MYH13: variants seen among roughly 807,000 people sequenced by gnomAD.
MYH13 encodes myosin heavy chain 13.
MYH13 carries 177 observed loss-of-function variants against 232.1 expected under a neutral mutation model. The observed-to-expected ratio is 0.76, with a 90% confidence interval of 0.67 to 0.86. MYH13 has a LOEUF of 0.86. Among genes scored for constraint, MYH13 ranks in the 40% least tolerant of loss-of-function variants. The pLI is 0.00. For synonymous variants in MYH13, 884 were observed against 923.5 expected (o/e 0.96, Z 0.78); for missense variants, 2,246 against 2,405.9 (o/e 0.93, Z 1.39).
intron 20 of MYH13, among the ~76,000 whole-genome samples, chr17:10,331,121 G>A (rs1035354735): frequency 1.3e-5 from 2 of 152,108 alleles, no homozygotes; most frequent in African/African-American, 4.8e-5. Flanking sequence ...TCACATACAG[G>A]AAACAAAGAT....
At chr17:10,350,879 G>A in intron 11 of MYH13, 185 bp from the exon 12 acceptor site, 1 of 739,618 alleles carries the variant, frequency 1.4e-6, no homozygotes. Context: ...GTGGGTGGGT[G>A]AAGACTATGG....
chr17:10,372,020 A>G (rs529328008), intron 1 of MYH13, among the ~76,000 whole-genome samples: 1 of 152,296 alleles, frequency 6.6e-6, no homozygotes, highest in African/African-American at 2.4e-5. Flanking sequence ...TTATGGAGCC[A>G]GGGGAATATT....
intron 5 of MYH13, 73 bp from the exon 6 acceptor site, chr17:10,360,261 G>T (rs573524682): frequency 1.3e-6 from 2 of 1,521,512 alleles, no homozygotes; most frequent in Non-Finnish European, 1.8e-6. Flanking sequence ...TAACATTGGG[G>T]GTGGTTGGAG....
intron 22 of MYH13, 146 bp downstream of exon 22, chr17:10,327,720 G>A (rs1907261375): frequency 1.0e-6 from 1 of 982,950 alleles, no homozygotes; most frequent in South Asian, 1.9e-5. Flanking sequence ...ATCCTTTTAC[G>A]AGCAAGGTGG....
intron 29 of MYH13, among the ~76,000 whole-genome samples, chr17:10,315,000 G>T (rs1597886565): frequency 6.6e-6 from 1 of 152,184 alleles, no homozygotes; most frequent in African/African-American, 2.4e-5. Context: ...TTAAAATCAG[G>T]TGGTATAGGA....
rs767529583 is a variant in MYH13, at chr17:10,320,208, A to G, written c.3293T>C (p.Ile1098Thr). ...EFELSQLQAK[I>T]DDEQVHSLQF... Reference sequence around the variant, plus strand: ...CAAACTGTGGACTTGTTCGTCATCTATTTTGGCTTGTAACTGACTGAGTTC... The same window carrying G: ...CAAACTGTGGACTTGTTCGTCATCTGTTTTGGCTTGTAACTGACTGAGTTC... Residue 1098 changes from isoleucine (I) to threonine (T), a missense_variant, in exon 26 of 41, where the codon ATA (isoleucine) becomes ACA (threonine). Coordinates refer to ENST00000252172, the MANE Select transcript of MYH13 (RefSeq NM_003802.3). 280 of 1,605,462 alleles carry G rather than the reference A, an allele frequency of 1.7e-4. No individual in the cohort carries two copies. Among genetic ancestry groups the G allele is most frequent in the Non-Finnish European group, 2.3e-4 (271 of 1,175,636 alleles).
Position 10,356,796 on chromosome 17 carries a change from T to C in MYH13, c.738+939A>G, listed in dbSNP as rs2071752621. 5.3e-5 allele frequency among the ~76,000 whole-genome samples: 8 copies of C among 152,298 alleles called. No homozygotes were observed. In the South Asian group the frequency reaches 1.7e-3, roughly 32 times the overall value. On this transcript the variant is annotated intron_variant, in intron 8 of 40. Transcript: ENST00000252172. Reference sequence around the variant, plus strand: ...TGCAACCATAGGCACAAATGATGGCTTTGCCTCTGAGTACTTGCTCCACTG... The same window carrying C: ...TGCAACCATAGGCACAAATGATGGCCTTGCCTCTGAGTACTTGCTCCACTG...
chr17:10,316,640 T>A (rs1332245455), intron 27 of MYH13, among the ~76,000 whole-genome samples: 2 of 152,152 alleles, frequency 1.3e-5, no homozygotes, highest in African/African-American at 4.8e-5. Context: ...TTGCAAGCAA[T>A]ACAAGCCTGT....
chr17:10,337,615 C>A (rs12943737), intron 18 of MYH13, among the ~76,000 whole-genome samples: 1 of 152,118 alleles, frequency 6.6e-6, no homozygotes, highest in Non-Finnish European at 1.5e-5. Flanking sequence ...GGCACACTAG[C>A]TGCTTTCTAA....
At chr17:10,316,276 C>A (rs1238927601) in intron 27 of MYH13, among the ~76,000 whole-genome samples, 2 of 152,184 alleles carry the variant, frequency 1.3e-5, no homozygotes. Flanking sequence ...GCCTGACCAA[C>A]ATGGTGAAAC....
At chr17:10,341,354 G>A (rs1445477858) in intron 16 of MYH13, 1 of 152,142 alleles carries the variant, frequency 6.6e-6, no homozygotes, top group Non-Finnish European at 1.5e-5. Context: ...GCCTGGCAAT[G>A]TTTGTAGTTT....
chr17:10,362,328 C>T (rs771061120), intron 4 of MYH13, 32 bp downstream of exon 4: 1 of 1,613,968 alleles, frequency 6.2e-7, no homozygotes, highest in East Asian at 2.2e-5. Flanking sequence ...CAGAGAGAGA[C>T]ATGAAATAAA....
intron 13 of MYH13, 151 bp downstream of exon 13, chr17:10,346,529 T>G: frequency 3.2e-6 from 2 of 622,156 alleles, no homozygotes; most frequent in Non-Finnish European, 5.5e-6. Context: ...TTGCATTCCT[T>G]CAGTTGCCTC....
rs574535187 is a variant in MYH13, at chr17:10,358,705, G to C, written c.646-878C>G. Among the ~76,000 whole-genome samples, 138 of 152,194 alleles carry C rather than the reference G, an allele frequency of 9.1e-4. 1 individual carries two copies. Among genetic ancestry groups the C allele is most frequent in the African/African-American group, 3.2e-3 (134 of 41,512 alleles). On this transcript the variant is annotated intron_variant, in intron 7 of 40. Coordinates refer to ENST00000252172, the MANE Select transcript of MYH13 (RefSeq NM_003802.3). The stretch of plus-strand genomic sequence containing the variant: ...GGAGTTTGAAGTCACAGTGAGCTAT[G>C]ATGGTGTGCCACTGTACTCCAGCCT...
chr17:10,334,740 G>A (rs1018559890), intron 18 of MYH13, among the ~76,000 whole-genome samples: 11 of 152,068 alleles, frequency 7.2e-5, no homozygotes, highest in East Asian at 1.9e-4. Flanking sequence ...TTAGCCGGGC[G>A]TGGTGGCAGG....
intron 12 of MYH13, among the ~76,000 whole-genome samples, chr17:10,347,874 G>C (rs11655438): frequency 0.16 from 24,293 of 151,680 alleles, 2,565 homozygotes; most frequent in Middle Eastern, 0.24. Flanking sequence ...CCCACCACCA[G>C]GCCCGGCTAA....
intron 19 of MYH13, among the ~76,000 whole-genome samples, chr17:10,332,601 A>C (rs1907448242): frequency 6.6e-6 from 1 of 152,172 alleles, no homozygotes; most frequent in African/African-American, 2.4e-5. Context: ...CAAGGCCCGG[A>C]CTTGTGCAAC....
At chr17:10,342,314 G>T (rs899590213) in intron 16 of MYH13, among the ~76,000 whole-genome samples, 3 of 151,966 alleles carry the variant, frequency 2.0e-5, no homozygotes, top group Non-Finnish European at 4.4e-5. Context: ...CTGCCTCAGC[G>T]TCCCAAAGTG....
At chr17:10,335,993 T>C (rs1366245820) in intron 18 of MYH13, among the ~76,000 whole-genome samples, 2 of 152,178 alleles carry the variant, frequency 1.3e-5, no homozygotes, top group African/African-American at 2.4e-5. Flanking sequence ...AGGCTGTCCA[T>C]CCTGTTAGGG....
Sources: allele counts gnomAD v4.1 joint callset (sites outside exome capture counted in the v4.1 genomes callset), GRCh38; gene constraint gnomAD v4.1.1; transcripts MANE v1.5; gene names NCBI Gene and HGNC (gene_info 2026-07-23, HGNC 2026-07-21).